The following FAM168A variants were observed in gnomAD, a reference collection of about 807,000 sequenced individuals.
FAM168A encodes family with sequence similarity 168 member A, also known as protein FAM168A.
FAM168A carries 3 observed loss-of-function variants against 28.5 expected under a neutral mutation model. The observed-to-expected ratio is 0.11, with a 90% CI of 0.05 to 0.27. The LOEUF (loss-of-function observed/expected upper bound fraction) is 0.27, where lower values mean the gene tolerates loss of function less well. Ranked by LOEUF, FAM168A falls within the 10% of genes least tolerant of loss-of-function variation. The pLI, the probability that FAM168A is intolerant of heterozygous loss-of-function variation, is 1.00. For synonymous variants in FAM168A, 122 were observed against 124.2 expected, an observed-to-expected ratio of 0.98 and a Z score of 0.12; for missense variants, 222 against 311.5, an observed-to-expected ratio of 0.71 and a Z score of 2.16.
chr11:73,544,865 AT>A (rs1355006924), intron 1 of FAM168A, among the ~76,000 whole-genome samples: 1 of 94,466 alleles, frequency 1.1e-5, no homozygotes, highest in Non-Finnish European at 1.8e-5. Flanking sequence ...TATATAATAT[AT>A]AATTATATAT....
intron 1 of FAM168A, among the ~76,000 whole-genome samples, chr11:73,573,838 C>A (rs1030800392): frequency 2.6e-5 from 4 of 152,138 alleles, no homozygotes; most frequent in African/African-American, 4.8e-5. Flanking sequence ...TGCCTATAAT[C>A]CCAGCTACTC....
chr11:73,462,915 GAGA>G (rs1325015031), intron 2 of FAM168A, among the ~76,000 whole-genome samples: 2 of 129,354 alleles, frequency 1.5e-5, no homozygotes, highest in Non-Finnish European at 3.6e-5. Context: ...GAGAGGAGAG[GAGA>G]AGAGAAGAGA....
intron 2 of FAM168A, among the ~76,000 whole-genome samples, chr11:73,450,810 C>CTT (rs972916090): frequency 4.6e-5 from 7 of 152,132 alleles, no homozygotes; most frequent in African/African-American, 1.7e-4. Context: ...AAAAAAGATG[C>CTT]TTTGAGTTCA....
At chr11:73,538,725 C>T (rs1308658228) in intron 1 of FAM168A, among the ~76,000 whole-genome samples, 3 of 152,164 alleles carry the variant, frequency 2.0e-5, no homozygotes, top group Non-Finnish European at 4.4e-5. Context: ...TTACTAAAAC[C>T]AAACATTCCA....
At position 73,409,589 on chromosome 11, in the gene FAM168A, T is replaced by C; in HGVS notation, c.493A>G (p.Asn165Asp). 1 of 1,613,994 alleles carries C rather than the reference T, an allele frequency of 6.2e-7. No homozygotes were observed. Among genetic ancestry groups the C allele is most frequent in the South Asian group, 1.1e-5 (1 of 91,032 alleles). Reference sequence around the variant, plus strand: ...GGGTAGATAGCAGAGGGAATGCTGTTGGGCTGGACGACCGTGGTATGGTGG... The same window carrying C: ...GGGTAGATAGCAGAGGGAATGCTGTCGGGCTGGACGACCGTGGTATGGTGG... ...VIHHTTVVQP[N>D]SIPSAIYPAP... Residue 165 changes from asparagine (N) to aspartate (D), a missense_variant, in exon 6 of 8, where the codon AAC becomes GAC. Asn to Asp is a conservative substitution (Grantham distance 23, BLOSUM62 1). Coordinates refer to ENST00000356467, the MANE Select transcript of FAM168A (RefSeq NM_015159.3).
chr11:73,559,123 AC>A (rs1176118946), intron 1 of FAM168A, among the ~76,000 whole-genome samples: 15 of 152,194 alleles, frequency 9.9e-5, no homozygotes, highest in African/African-American at 3.6e-4. Flanking sequence ...GTAATGAAGT[AC>A]TAGCCGGGCG....
chr11:73,447,508 A>G (rs1867340146), intron 2 of FAM168A, among the ~76,000 whole-genome samples: 1 of 150,816 alleles, frequency 6.6e-6, no homozygotes, highest in South Asian at 2.1e-4. Flanking sequence ...AGCTATGATC[A>G]TCACACCACT....
At chr11:73,543,692 C>A (rs975626112) in intron 1 of FAM168A, among the ~76,000 whole-genome samples, 1 of 151,990 alleles carries the variant, frequency 6.6e-6, no homozygotes, top group African/African-American at 2.4e-5. Flanking sequence ...ATAGAAGTAA[C>A]CAAAAGAAGG....
Position 73,401,709 on chromosome 11 carries a change from G to A in FAM168A, c.*5054C>T, listed in dbSNP as rs1486859391. 1 of 152,290 alleles carries A rather than the reference G, an allele frequency of 6.6e-6. No homozygotes were observed. The highest frequency in any genetic ancestry group is 6.5e-5 in the Admixed American group (1 of 15,282). The allele number at this position is 152,290 out of a possible 1,614,324, so 9.4% of individuals were successfully genotyped here. A position where few individuals can be genotyped will look rare whatever the true frequency, so the allele number is the denominator to read the frequency against. On this transcript the variant is annotated 3_prime_UTR_variant, in exon 8 of 8. Coordinates refer to ENST00000356467, the MANE Select transcript of FAM168A (RefSeq NM_015159.3). ...ATGTGGCCATAGGGAAGCAAGTGCT[G>A]TTTTGTCCCTTTCTAGCTTTGTGGC...
chr11:73,543,611 A>G (rs1943685480), intron 1 of FAM168A, among the ~76,000 whole-genome samples: 1 of 152,118 alleles, frequency 6.6e-6, no homozygotes, highest in Non-Finnish European at 1.5e-5. Context: ...GTCTTCCTCT[A>G]AACAGACTGA....
chr11:73,464,330 G>A (rs1867698634), intron 2 of FAM168A, among the ~76,000 whole-genome samples: 3 of 149,490 alleles, frequency 2.0e-5, no homozygotes, highest in Admixed American at 6.6e-5. Context: ...TCTGGGGGTG[G>A]GGGGGAAAAC....
chr11:73,473,334 C>T (rs1444408022), intron 1 of FAM168A, among the ~76,000 whole-genome samples: 1 of 152,126 alleles, frequency 6.6e-6, no homozygotes, highest in Non-Finnish European at 1.5e-5. Context: ...TAGTCAGCTA[C>T]CCCAGTACTA....
At chr11:73,436,649 A>C (rs1172275996) in intron 2 of FAM168A, among the ~76,000 whole-genome samples, 2 of 152,310 alleles carry the variant, frequency 1.3e-5, no homozygotes, top group East Asian at 3.9e-4. Context: ...TCTCTACCCA[A>C]AGTCAACAAA....
At chr11:73,456,951 G>A (rs1041683226) in intron 2 of FAM168A, among the ~76,000 whole-genome samples, 2 of 152,240 alleles carry the variant, frequency 1.3e-5, no homozygotes, top group African/African-American at 4.8e-5. Flanking sequence ...TGATCACTGA[G>A]AGGCCAGCAC....
intron 1 of FAM168A, among the ~76,000 whole-genome samples, chr11:73,470,473 T>C (rs1229060956): frequency 6.6e-6 from 1 of 152,186 alleles, no homozygotes; most frequent in Non-Finnish European, 1.5e-5. Flanking sequence ...GTAATTAAGA[T>C]GTGGGACTGT....
chr11:73,459,940 G>C (rs1333391711), intron 2 of FAM168A, among the ~76,000 whole-genome samples: 12 of 145,834 alleles, frequency 8.2e-5, no homozygotes. Context: ...GAGTGCAGTG[G>C]CACAATCTTG....
chr11:73,440,943 A>G (rs530098721), intron 2 of FAM168A, among the ~76,000 whole-genome samples: 92 of 152,378 alleles, frequency 6.0e-4, no homozygotes, highest in African/African-American at 2.1e-3. Flanking sequence ...ATCAGGCAAC[A>G]ATTCACAAAA....
chr11:73,587,878 T>A (rs1397301158), intron 1 of FAM168A, among the ~76,000 whole-genome samples: 1 of 152,066 alleles, frequency 6.6e-6, no homozygotes, highest in Non-Finnish European at 1.5e-5. Flanking sequence ...GCCTCCCAAG[T>A]AGCTGGGATT....
chr11:73,530,007 G>A (rs754755179), intron 1 of FAM168A, among the ~76,000 whole-genome samples: 1 of 151,786 alleles, frequency 6.6e-6, no homozygotes, highest in East Asian at 1.9e-4. Context: ...GGCTGGTATC[G>A]AATTCCTGAC....
Sources: gnomAD v4.1 joint callset for allele counts (sites outside exome capture counted in the v4.1 genomes callset) on GRCh38, gnomAD v4.1.1 for gene constraint, MANE v1.5 for transcripts, NCBI Gene and HGNC (gene_info 2026-07-23, HGNC 2026-07-21) for gene names.